Variants in NT5C2 observed in about 807,000 individuals in gnomAD.
The protein encoded by NT5C2 is 5'-nucleotidase, cytosolic II.
Under a neutral mutation model 76.1 loss-of-function variants are expected in NT5C2, and 58 were observed. The ratio of observed to expected loss-of-function variants is 0.76; its 90% confidence interval spans 0.62 to 0.95. NT5C2 has a LOEUF of 0.95. NT5C2 is among the 40% of genes least tolerant of loss of function. The pLI, the probability that NT5C2 is intolerant of heterozygous loss-of-function variation, is 0.00. For synonymous variants in NT5C2, 229 were observed against 237.4 expected (o/e 0.96, Z 0.32); for missense variants, 478 against 690.3 (o/e 0.69, Z 3.45).
chr10:103,191,957 C>CT (rs528278756), intron 1 of NT5C2, among the ~76,000 whole-genome samples: 148 of 143,706 alleles, frequency 1.0e-3, no homozygotes, highest in South Asian at 2.9e-3. Flanking sequence ...CTTTTTTGTT[C>CT]TTTTTTTTTT....
At chr10:103,097,514 A>C in intron 10 of NT5C2, 140 bp from the exon 11 acceptor site, 1 of 653,252 alleles carries the variant, frequency 1.5e-6, no homozygotes, top group Non-Finnish European at 2.7e-6. Flanking sequence ...TTTTGCACTT[A>C]AAAGCCCACA....
chr10:103,191,097 G>GA (rs1171495963), intron 1 of NT5C2, among the ~76,000 whole-genome samples: 1 of 152,218 alleles, frequency 6.6e-6, no homozygotes, highest in African/African-American at 2.4e-5. Context: ...TTTGGTAAGA[G>GA]AATTAAGCAA....
chr10:103,174,214 C>G (rs989566021), intron 3 of NT5C2, among the ~76,000 whole-genome samples: 1 of 152,138 alleles, frequency 6.6e-6, no homozygotes, highest in African/African-American at 2.4e-5. Context: ...CAAGATCACC[C>G]TGGCCAACAT....
intron 3 of NT5C2, among the ~76,000 whole-genome samples, chr10:103,158,638 G>A (rs1003695128): frequency 6.6e-6 from 1 of 151,932 alleles, no homozygotes; most frequent in Admixed American, 6.6e-5. Context: ...CCAACATGGT[G>A]AAACCCTGTC....
chr10:103,126,025 A>G (rs1049696540), intron 4 of NT5C2, among the ~76,000 whole-genome samples: 6 of 152,196 alleles, frequency 3.9e-5, no homozygotes, highest in African/African-American at 1.4e-4. Flanking sequence ...TCATCTGTGT[A>G]GGTCACTTAA....
intron 4 of NT5C2, among the ~76,000 whole-genome samples, chr10:103,128,741 G>A (rs1198101414): frequency 2.1e-5 from 1 of 47,484 alleles, no homozygotes; most frequent in African/African-American, 8.5e-5. Flanking sequence ...TGTGAGGAGC[G>A]CCTCTGCCCG....
chr10:103,097,319 G>T lies in NT5C2; in HGVS notation c.743C>A (p.Ala248Asp). The change falls in exon 11 of 19, where the codon GCT becomes GAT. Residue 248 changes from alanine (A) to aspartate (D), a missense_variant. By Grantham distance (126) the Ala-to-Asp change is moderately radical (BLOSUM62 -2). Transcript: ENST00000404739. ...RMKEVGKVFLATNSDYKYTDK... is the reference protein window; with the variant it reads ...RMKEVGKVFLDTNSDYKYTDK... ...TGTATATTTATAGTCACTGTTGGTA[G>T]CAAGAAATACTTTCCCTACTTCCTT... 1 of 1,613,476 alleles carries T rather than the reference G, an allele frequency of 6.2e-7. No homozygotes were observed. Among genetic ancestry groups the T allele is most frequent in the East Asian group, 2.2e-5 (1 of 44,802 alleles).
rs1476763631 is a variant in NT5C2 at position 103,111,810 on chromosome 10, T to TA, written c.176-5105dup. On this transcript the variant is annotated intron_variant, in intron 4 of 18. Transcript: ENST00000404739. Reference sequence around the variant, plus strand: ...GAAGGAGTTACACTGGCTCTCCTGTTAAAAAACAAAAAGCAACAAAACAAA... The same window carrying TA: ...GAAGGAGTTACACTGGCTCTCCTGTTAAAAAAACAAAAAGCAACAAAACAAA... 7 of 1,231,284 alleles carry TA rather than the reference T, an allele frequency of 5.7e-6. No homozygotes were observed. The African/African-American group carries it at 7.8e-5, about 14-fold the overall frequency. 76.3% of individuals were successfully genotyped at this position (1,231,284 alleles called of 1,614,324 possible). A position where few individuals can be genotyped will look rare whatever the true frequency, so the allele number is the denominator to read the frequency against.
At chr10:103,131,410 AG>A (rs1232252005) in intron 4 of NT5C2, among the ~76,000 whole-genome samples, 2 of 152,198 alleles carry the variant, frequency 1.3e-5, no homozygotes, top group African/African-American at 4.8e-5. Context: ...TGATGGTGTC[AG>A]GAAGTGATGC....
chr10:103,156,482 C>T (rs149943678), intron 3 of NT5C2, among the ~76,000 whole-genome samples: 3 of 152,282 alleles, frequency 2.0e-5, no homozygotes, highest in African/African-American at 4.8e-5. Flanking sequence ...GGGCCACGTG[C>T]CGTGGCTCAT....
At chr10:103,183,122 A>G (rs749500529) in intron 1 of NT5C2, among the ~76,000 whole-genome samples, 11 of 151,910 alleles carry the variant, frequency 7.2e-5, no homozygotes, top group Non-Finnish European at 1.3e-4. Context: ...CTAAATCCTC[A>G]TATTTGTAGT....
At chr10:103,097,893 T>A (rs550341591) in intron 10 of NT5C2, 1 of 411,694 alleles carries the variant, frequency 2.4e-6, no homozygotes, top group Non-Finnish European at 4.7e-6. Context: ...TAACCCCTCA[T>A]GTGCCTGGAA....
chr10:103,183,102 T>C (rs1245669565), intron 1 of NT5C2, among the ~76,000 whole-genome samples: 1 of 151,924 alleles, frequency 6.6e-6, no homozygotes, highest in Non-Finnish European at 1.5e-5. Flanking sequence ...CTACCAGTAC[T>C]GCTGAAAAAC....
intron 4 of NT5C2, chr10:103,111,680 A>G: frequency 9.1e-7 from 1 of 1,094,712 alleles, no homozygotes; most frequent in Non-Finnish European, 1.2e-6. Context: ...ATTTAGAAAA[A>G]TAAAGGGCAA....
At chr10:103,123,847 T>TG (rs111919326) in intron 4 of NT5C2, among the ~76,000 whole-genome samples, 22,481 of 150,638 alleles carry the variant, frequency 0.15, 1,722 homozygotes, top group Middle Eastern at 0.23. Flanking sequence ...CCTTCGAAAT[T>TG]GGGGGGGGAA....
intron 4 of NT5C2, among the ~76,000 whole-genome samples, chr10:103,124,272 T>C (rs945274015): frequency 2.6e-5 from 4 of 152,140 alleles, no homozygotes; most frequent in African/African-American, 9.7e-5. Flanking sequence ...TTCAGCACAC[T>C]GGTAAACATG....
intron 3 of NT5C2, among the ~76,000 whole-genome samples, chr10:103,172,107 C>T (rs900775520): frequency 3.3e-5 from 5 of 151,610 alleles, no homozygotes; most frequent in South Asian, 2.1e-4. Flanking sequence ...CTACTCGGGA[C>T]GGTGAGGCAG....
chr10:103,129,381 C>CT (rs2077481658), intron 4 of NT5C2, among the ~76,000 whole-genome samples: 1 of 116,078 alleles, frequency 8.6e-6, no homozygotes, highest in African/African-American at 3.3e-5. Flanking sequence ...CCAGCCGCCC[C>CT]GTCTGGGAGG....
intron 11 of NT5C2, 36 bp from the exon 12 acceptor site, chr10:103,096,016 A>G (rs746635986): frequency 5.9e-6 from 9 of 1,525,128 alleles, no homozygotes; most frequent in Non-Finnish European, 8.2e-6. Context: ...TCCATATACT[A>G]CTTTTGCAAA....
Sources: gnomAD v4.1 joint callset for allele counts (sites outside exome capture counted in the v4.1 genomes callset) on GRCh38, gnomAD v4.1.1 for gene constraint, MANE v1.5 for transcripts, NCBI Gene and HGNC (gene_info 2026-07-23, HGNC 2026-07-21) for gene names.